ABCC4: variants seen among roughly 807,000 people sequenced by gnomAD.
ABCC4 encodes the protein ATP binding cassette subfamily C member 4 (PEL blood group).
Under a neutral mutation model 168.5 loss-of-function variants are expected in ABCC4, and 102 were observed. The observed-to-expected ratio is 0.61, with a 90% CI of 0.52 to 0.71. The LOEUF (loss-of-function observed/expected upper bound fraction) is 0.71, where lower values mean the gene tolerates loss of function less well. Among genes scored for constraint, ABCC4 ranks in the 30% least tolerant of loss-of-function variants. The pLI is 0.00. For missense variants in ABCC4, 1,402 were observed against 1,605.8 expected, an observed-to-expected ratio of 0.87 and a Z score of 2.17; for synonymous variants, 617 against 590.7, an observed-to-expected ratio of 1.04 and a Z score of -0.65.
At chr13:95,214,569 A>G (rs1566535016) in intron 4 of ABCC4, among the ~76,000 whole-genome samples, 1 of 152,084 alleles carries the variant, frequency 6.6e-6, no homozygotes, top group Non-Finnish European at 1.5e-5. Flanking sequence ...CAACAGAACA[A>G]TATTTACAGT....
intron 1 of ABCC4, among the ~76,000 whole-genome samples, chr13:95,278,850 C>T (rs1190922805): frequency 7.6e-6 from 1 of 132,162 alleles, no homozygotes; most frequent in Non-Finnish European, 1.6e-5. Flanking sequence ...CTGACAACAA[C>T]TCAATGAACT....
At chr13:95,161,991 G>A (rs929280541) in intron 18 of ABCC4, among the ~76,000 whole-genome samples, 30 of 152,040 alleles carry the variant, frequency 2.0e-4, no homozygotes, top group African/African-American at 7.0e-4. Context: ...ACATGAATGA[G>A]GATCCATTAT....
rs199805372 is a variant in ABCC4, at chr13:95,234,693, T to G, written c.448A>C (p.Ile150Leu). ...VLTFCTLILAILHHLYFYHVQ... is the reference protein window; with the variant it reads ...VLTFCTLILALLHHLYFYHVQ... ...TGATAAAAATATAAGTGATGCAGTA[T>G]AGCCAAAATGAGCGTGCAAAAAGTC... The change falls in exon 4 of 31, where the codon ATA becomes CTA. Residue 150 changes from isoleucine to leucine, a missense_variant. Physicochemically the swap from Ile to Leu is conservative, Grantham distance 5 (BLOSUM62 2). Transcript: ENST00000645237. 6.2e-7 allele frequency: 1 copy of G among 1,614,014 alleles called. No homozygotes were observed.
Position 95,244,605 on chromosome 13 carries a change from G to GAAAGAAAGAA in ABCC4, c.306+2360_306+2369dup, listed in dbSNP as rs1199270895. 3.1e-3 allele frequency among the ~76,000 whole-genome samples: 102 copies of GAAAGAAAGAA among 33,054 alleles called. 18 individuals are homozygous for GAAAGAAAGAA. Among genetic ancestry groups the GAAAGAAAGAA allele is most frequent in the African/African-American group, 0.013 (95 of 7,306 alleles). 21.7% of individuals were successfully genotyped at this position (33,054 alleles called of 152,430 possible). A position where few individuals can be genotyped will look rare whatever the true frequency, so the allele number is the denominator to read the frequency against. The stretch of plus-strand genomic sequence containing the variant: ...ATAAAATAAAATAACATGAAAGAAA[G>GAAAGAAAGAA]AAAGAAAGAAAGAAAGAAAGAAAGA... On this transcript the variant is annotated intron_variant, in intron 3 of 30. Transcript: ENST00000645237.
At chr13:95,144,684 G>A (rs572019614) in intron 19 of ABCC4, among the ~76,000 whole-genome samples, 2 of 152,048 alleles carry the variant, frequency 1.3e-5, no homozygotes, top group South Asian at 2.1e-4. Context: ...AACCAAAGAC[G>A]TAAAAGATCT....
intron 20 of ABCC4, among the ~76,000 whole-genome samples, chr13:95,097,762 T>C (rs572630793): frequency 6.7e-6 from 1 of 148,388 alleles, no homozygotes; most frequent in Non-Finnish European, 1.5e-5. Flanking sequence ...TAAGGTTTTT[T>C]AAAAAAAAAA....
At chr13:95,293,263 C>T (rs897060203) in intron 1 of ABCC4, among the ~76,000 whole-genome samples, 2 of 151,858 alleles carry the variant, frequency 1.3e-5, no homozygotes, top group Non-Finnish European at 2.9e-5. Context: ...GAGGCTGCGG[C>T]AGGAGAATCG....
chr13:95,182,189 T>A (rs868437849), intron 11 of ABCC4, among the ~76,000 whole-genome samples: 2 of 152,352 alleles, frequency 1.3e-5, no homozygotes, highest in Middle Eastern at 3.4e-3. Context: ...AGTTATTTTA[T>A]GATTGTCAAG....
chr13:95,116,629 C>T (rs1472309470), intron 19 of ABCC4, among the ~76,000 whole-genome samples: 1 of 152,122 alleles, frequency 6.6e-6, no homozygotes. Flanking sequence ...GGAAATTATG[C>T]AGGAAAACAG....
rs112347848 is a variant in ABCC4, at chr13:95,225,149, T to A, written c.531+9461A>T. ...GTCTGTCTGTCTGTCTGTCTCTCTC[T>A]CTCTCACACACACACACACACACAC... On this transcript the variant is annotated intron_variant, in intron 4 of 30. Transcript: ENST00000645237. Among the ~76,000 whole-genome samples, 92 of 100,224 alleles carry A rather than the reference T, an allele frequency of 9.2e-4. 1 individual carries two copies. The highest frequency in any genetic ancestry group is 4.1e-3 in the African/African-American group (79 of 19,166). 65.8% of individuals were successfully genotyped at this position (100,224 alleles called of 152,430 possible).
At position 95,281,737 on chromosome 13, in the gene ABCC4, G is replaced by A. The variant is rs537543395; in HGVS notation, c.74+19504C>T. Among the ~76,000 whole-genome samples the A allele has an allele frequency of 2.6e-5, 4 of 152,200 alleles. No individual in the cohort carries two copies. The South Asian group carries it at 8.3e-4, about 32-fold the overall frequency. ...AAGCAGCTCTGGAAAATGACAACCA[G>A]TGGCACTAACTCCAGGCAATATCTT... On this transcript the variant is annotated intron_variant, in intron 1 of 30. Coordinates refer to ENST00000645237, the MANE Select transcript of ABCC4 (RefSeq NM_005845.5).
At chr13:95,259,124 C>T (rs531913384) in intron 1 of ABCC4, among the ~76,000 whole-genome samples, 4 of 152,188 alleles carry the variant, frequency 2.6e-5, no homozygotes, top group East Asian at 3.9e-4. Context: ...TGGTGGCTCA[C>T]GCCTGTAATC....
intron 27 of ABCC4, among the ~76,000 whole-genome samples, chr13:95,049,217 C>T (rs2032721143): frequency 1.3e-5 from 2 of 151,972 alleles, no homozygotes; most frequent in Non-Finnish European, 2.9e-5. Flanking sequence ...GCCTTTAATC[C>T]TAGCTACCTG....
At chr13:95,105,256 A>C (rs956214418) in intron 20 of ABCC4, among the ~76,000 whole-genome samples, 1 of 152,068 alleles carries the variant, frequency 6.6e-6, no homozygotes, top group African/African-American at 2.4e-5. Flanking sequence ...CAGGAGGCAG[A>C]GGTCAGGCGG....
intron 30 of ABCC4, among the ~76,000 whole-genome samples, chr13:95,030,091 G>A (rs889533526): frequency 5.3e-5 from 8 of 152,098 alleles, no homozygotes; most frequent in African/African-American, 1.4e-4. Context: ...TGTGACGTAG[G>A]CTCACTGCAA....
chr13:95,136,090 T>C lies in ABCC4; in HGVS notation c.2456-20089A>G, dbSNP rs145914105. On this transcript the variant is annotated intron_variant, in intron 19 of 30. Coordinates refer to ENST00000645237, the MANE Select transcript of ABCC4 (RefSeq NM_005845.5). ...GGATATAATTTAATATAAAATTAAGTAGAACAGTAATTAATGTTATTAATA... is the reference window on the plus strand; with the variant it reads ...GGATATAATTTAATATAAAATTAAGCAGAACAGTAATTAATGTTATTAATA... Among the ~76,000 whole-genome samples, 580 of 152,252 alleles carry C rather than the reference T, an allele frequency of 3.8e-3. 4 individuals carry two copies. Among genetic ancestry groups the C allele is most frequent in the African/African-American group, 0.013 (546 of 41,552 alleles).
rs545739876 is a variant in ABCC4 at position 95,266,828 on chromosome 13, T to TC, written c.75-19076_75-19075insG. On this transcript the variant is annotated intron_variant, in intron 1 of 30. Transcript: ENST00000645237. ...TTGGTTGTGTCCCTACTCAAATCTC[T>TC]TTTTTTTTTTTTTGAGATGGAGTTT... Among the ~76,000 whole-genome samples the TC allele has an allele frequency of 1.2e-4, 7 of 58,434 alleles. No homozygotes were observed. In the African/African-American group the frequency reaches 1.7e-3, roughly 14 times the overall value. 38.3% of individuals were successfully genotyped at this position (58,434 alleles called of 152,430 possible).
intron 20 of ABCC4, among the ~76,000 whole-genome samples, chr13:95,110,979 A>C (rs2035183658): frequency 8.9e-6 from 1 of 112,530 alleles, no homozygotes; most frequent in African/African-American, 3.1e-5. Context: ...GAAAAAAAAA[A>C]AGAAAGAAAA....
chr13:95,177,574 G>A (rs2139595173), intron 13 of ABCC4, 133 bp downstream of exon 13: 4 of 631,180 alleles, frequency 6.3e-6, no homozygotes, highest in Middle Eastern at 3.9e-4. Flanking sequence ...TGGATCTTCA[G>A]GGAAGCAGGG....
Sources: gnomAD v4.1 joint callset for allele counts (sites outside exome capture counted in the v4.1 genomes callset) on GRCh38, gnomAD v4.1.1 for gene constraint, MANE v1.5 for transcripts, NCBI Gene and HGNC (gene_info 2026-07-23, HGNC 2026-07-21) for gene names.